The following SEMA6A variants were observed in gnomAD, a reference collection of about 807,000 sequenced individuals.
SEMA6A encodes semaphorin 6A.
Under a neutral mutation model 96.8 loss-of-function variants are expected in SEMA6A, and 25 were observed. The observed-to-expected ratio is 0.26, with a 90% CI of 0.19 to 0.36. The LOEUF (loss-of-function observed/expected upper bound fraction) is 0.36, where lower values mean the gene tolerates loss of function less well. SEMA6A is among the 10% of genes least tolerant of loss of function. SEMA6A has a pLI of 1.00. For synonymous variants in SEMA6A, 612 were observed against 518.0 expected (o/e 1.18, Z -2.46); for missense variants, 1,363 against 1,323.1 (o/e 1.03, Z -0.47).
At chr5:116,562,390 A>T (rs554076335) in intron 1 of SEMA6A, among the ~76,000 whole-genome samples, 1 of 152,382 alleles carries the variant, frequency 6.6e-6, no homozygotes, top group African/African-American at 2.4e-5. Context: ...TTAATATATC[A>T]TATCTAACCT....
intron 10 of SEMA6A, among the ~76,000 whole-genome samples, chr5:116,483,007 T>G (rs1021315042): frequency 6.6e-6 from 1 of 152,184 alleles, no homozygotes; most frequent in African/African-American, 2.4e-5. Flanking sequence ...ACATATTGCT[T>G]CTTTGAATTT....
chr5:116,535,017 T>TG (rs1186369650), intron 1 of SEMA6A, among the ~76,000 whole-genome samples: 11 of 152,224 alleles, frequency 7.2e-5, no homozygotes, highest in Non-Finnish European at 1.3e-4. Flanking sequence ...CCTCTCAGCC[T>TG]GGGGAAGAAA....
intron 1 of SEMA6A, among the ~76,000 whole-genome samples, chr5:116,538,094 G>A (rs1759802616): frequency 6.6e-6 from 1 of 152,178 alleles, no homozygotes; most frequent in Non-Finnish European, 1.5e-5. Flanking sequence ...GGAATCGCTT[G>A]AACCCGGGAG....
At chr5:116,564,323 T>G (rs1760939668) in intron 1 of SEMA6A, among the ~76,000 whole-genome samples, 1 of 152,232 alleles carries the variant, frequency 6.6e-6, no homozygotes, top group Non-Finnish European at 1.5e-5. Flanking sequence ...AATTCAAAGT[T>G]TCTTCTTCTA....
intron 7 of SEMA6A, 92 bp downstream of exon 7, chr5:116,491,648 A>G (rs1340230609): frequency 3.0e-5 from 28 of 925,504 alleles, no homozygotes; most frequent in South Asian, 1.1e-4. Context: ...TCAAAGCACA[A>G]CTGTGACTCC....
intron 18 of SEMA6A, among the ~76,000 whole-genome samples, chr5:116,465,179 G>A (rs1755652975): frequency 6.6e-6 from 1 of 152,148 alleles, no homozygotes; most frequent in South Asian, 2.1e-4. Flanking sequence ...ATCAGGGAAT[G>A]AAAAGAAGCG....
intron 4 of SEMA6A, among the ~76,000 whole-genome samples, chr5:116,496,933 C>T (rs1180725943): frequency 6.6e-6 from 1 of 152,156 alleles, no homozygotes; most frequent in Non-Finnish European, 1.5e-5. Flanking sequence ...AGTTCCTGAA[C>T]CACAGCAGTC....
intron 1 of SEMA6A, among the ~76,000 whole-genome samples, chr5:116,543,414 CTT>C (rs1760057379): frequency 6.6e-6 from 1 of 152,176 alleles, no homozygotes; most frequent in African/African-American, 2.4e-5. Flanking sequence ...CCATTTTTCT[CTT>C]GTTTAGTTTA....
intron 18 of SEMA6A, among the ~76,000 whole-genome samples, chr5:116,457,717 C>A (rs1755103808): frequency 6.6e-6 from 1 of 152,154 alleles, no homozygotes. Flanking sequence ...ATATCCACTA[C>A]ATTTCGGTAG....
intron 2 of SEMA6A, among the ~76,000 whole-genome samples, chr5:116,504,039 A>G (rs1758025950): frequency 6.6e-6 from 1 of 152,226 alleles, no homozygotes; most frequent in Admixed American, 6.5e-5. Flanking sequence ...CAGAAAGAAC[A>G]GCTGAACACT....
intron 1 of SEMA6A, among the ~76,000 whole-genome samples, chr5:116,512,763 A>C (rs1311575027): frequency 6.6e-6 from 1 of 150,898 alleles, no homozygotes; most frequent in Non-Finnish European, 1.5e-5. Context: ...CATTTATTGC[A>C]CTTTACTTGG....
At chr5:116,478,857 G>A in intron 12 of SEMA6A, 139 bp from the exon 13 acceptor site, 8 of 855,200 alleles carry the variant, frequency 9.4e-6, no homozygotes, top group Non-Finnish European at 1.4e-5. Flanking sequence ...ATGTTCTCAA[G>A]TGGTTCTGGC....
intron 1 of SEMA6A, among the ~76,000 whole-genome samples, chr5:116,540,677 G>A (rs1561526555): frequency 6.6e-6 from 1 of 152,164 alleles, no homozygotes; most frequent in Non-Finnish European, 1.5e-5. Flanking sequence ...CCTATAGACT[G>A]ATGTTGTGTA....
rs1010362260 is a variant in SEMA6A, at chr5:116,515,861, G to T, written c.-38-10879C>A. Among the ~76,000 whole-genome samples the T allele has an allele frequency of 5.9e-5, 9 of 152,158 alleles. No individual in the cohort carries two copies. The East Asian group carries it at 9.6e-4, about 16-fold the overall frequency. Reference sequence around the variant, plus strand: ...GCTCCTACAGAATTAATAACAACCTGCAAGTCGCTCCGTTGAGCTCTGAAT... The same window carrying T: ...GCTCCTACAGAATTAATAACAACCTTCAAGTCGCTCCGTTGAGCTCTGAAT... On this transcript the variant is annotated intron_variant, in intron 1 of 18. Transcript: ENST00000343348.
chr5:116,503,440 C>A (rs1179563498), intron 2 of SEMA6A, among the ~76,000 whole-genome samples: 1 of 152,088 alleles, frequency 6.6e-6, no homozygotes, highest in African/African-American at 2.4e-5. Flanking sequence ...TAAAACAACT[C>A]AAATGTCTCT....
At chr5:116,527,466 C>A (rs901382928) in intron 1 of SEMA6A, among the ~76,000 whole-genome samples, 1 of 152,102 alleles carries the variant, frequency 6.6e-6, no homozygotes, top group Middle Eastern at 3.2e-3. Flanking sequence ...GGAAGTATTT[C>A]TCACATAAGC....
At chr5:116,484,905 C>A (rs1212022249) in intron 10 of SEMA6A, among the ~76,000 whole-genome samples, 1 of 152,150 alleles carries the variant, frequency 6.6e-6, no homozygotes, top group Non-Finnish European at 1.5e-5. Context: ...AGGGGATGAA[C>A]TAGAGAAGGA....
In SEMA6A at chr5:116,446,673, G is replaced by T; in HGVS notation, c.3033C>A (p.Pro1011=). ...KRTPSLKPDV[P]PKPSFAPLST... ...AAAGGGGAGCAAAGGATGGTTTGGG[G>T]GGTACGTCCGGCTTTAGCGAGGGCG... The change falls in exon 19 of 19, where the codon CCC becomes CCA. Residue 1011 remains proline, a synonymous_variant. Coordinates refer to ENST00000343348, the MANE Select transcript of SEMA6A (RefSeq NM_020796.5). 8 of 1,556,350 alleles carry T rather than the reference G, an allele frequency of 5.1e-6. No homozygotes were observed. The highest frequency in any genetic ancestry group is 6.1e-6 in the Non-Finnish European group (7 of 1,149,578).
chr5:116,449,176 C>G, intron 18 of SEMA6A: 1 of 576,878 alleles, frequency 1.7e-6, no homozygotes, highest in Non-Finnish European at 3.1e-6. Context: ...TTGATGCAGT[C>G]GCTAAAAAAT....
Sources: gnomAD v4.1 joint callset for allele counts (sites outside exome capture counted in the v4.1 genomes callset) on GRCh38, gnomAD v4.1.1 for gene constraint, MANE v1.5 for transcripts, NCBI Gene and HGNC (gene_info 2026-07-23, HGNC 2026-07-21) for gene names.